Variants in CNTN1 observed in about 807,000 individuals in gnomAD.
CNTN1 encodes the protein contactin-1.
Under a neutral mutation model 126.4 loss-of-function variants are expected in CNTN1, and 38 were observed. The observed-to-expected ratio is 0.30, with a 90% CI of 0.23 to 0.39. CNTN1 has a LOEUF of 0.39. Among genes scored for constraint, CNTN1 ranks in the 10% least tolerant of loss-of-function variants. CNTN1 has a pLI of 1.00. For synonymous variants in CNTN1, 413 were observed against 422.6 expected, an observed-to-expected ratio of 0.98 and a Z score of 0.28; for missense variants, 1,009 against 1,248.4, an observed-to-expected ratio of 0.81 and a Z score of 2.89.
chr12:40,728,296 C>A (rs1055145217), intron 1 of CNTN1, among the ~76,000 whole-genome samples: 10 of 152,106 alleles, frequency 6.6e-5, no homozygotes, highest in African/African-American at 2.4e-4. Context: ...TGCTTTTTCT[C>A]CCTGCCTGTC....
intron 17 of CNTN1, among the ~76,000 whole-genome samples, chr12:41,010,781 C>T (rs564891924): frequency 1.1e-4 from 16 of 151,946 alleles, no homozygotes; most frequent in African/African-American, 3.6e-4. Context: ...TGCCCTTGCT[C>T]TTCATAGGCC....
At chr12:40,698,722 TTGAG>T (rs1351613621) in intron 1 of CNTN1, among the ~76,000 whole-genome samples, 3 of 152,324 alleles carry the variant, frequency 2.0e-5, no homozygotes, top group African/African-American at 4.8e-5. Flanking sequence ...TGAAAATTTT[TTGAG>T]TTAGTTCCCC....
At chr12:40,786,479 G>A (rs1940025105) in intron 1 of CNTN1, among the ~76,000 whole-genome samples, 1 of 152,156 alleles carries the variant, frequency 6.6e-6, no homozygotes, top group Non-Finnish European at 1.5e-5. Context: ...ATCTTTCCAA[G>A]GTGATCCCTT....
chr12:40,983,674 A>G (rs76515320), intron 16 of CNTN1, among the ~76,000 whole-genome samples: 5,000 of 150,172 alleles, frequency 0.033, 108 homozygotes, highest in Middle Eastern at 0.11. Flanking sequence ...AGTGAATATG[A>G]AAGTGTTTCT....
chr12:40,940,280 C>A (rs1403159712), intron 12 of CNTN1, among the ~76,000 whole-genome samples: 1 of 151,964 alleles, frequency 6.6e-6, no homozygotes, highest in Admixed American at 6.6e-5. Context: ...ATTGCAGAAA[C>A]TGAAATCAGT....
chr12:40,894,499 C>T (rs981398501), intron 1 of CNTN1, among the ~76,000 whole-genome samples: 3 of 152,142 alleles, frequency 2.0e-5, no homozygotes, highest in Admixed American at 1.3e-4. Flanking sequence ...TATATGGAAA[C>T]TCTCTGTACT....
At chr12:40,933,618 AATAAT>A in intron 8 of CNTN1, 58 bp downstream of exon 8, 1 of 1,537,332 alleles carries the variant, frequency 6.5e-7, no homozygotes. Context: ...TTAGGAAATA[AATAAT>A]TGTTTAGCTA....
intron 1 of CNTN1, chr12:40,763,301 T>TA (rs1400434694): frequency 3.3e-5 from 5 of 152,146 alleles, no homozygotes; most frequent in Non-Finnish European, 5.9e-5. Flanking sequence ...AGTAGGCAAA[T>TA]AAAATGAGCT....
intron 1 of CNTN1, among the ~76,000 whole-genome samples, chr12:40,850,412 C>T (rs150585466): frequency 2.4e-3 from 370 of 151,968 alleles, no homozygotes; most frequent in Non-Finnish European, 3.9e-3. Context: ...CCAAACAGTG[C>T]CCTGCAGGGC....
At chr12:40,794,757 A>G (rs1049315825) in intron 1 of CNTN1, among the ~76,000 whole-genome samples, 4 of 152,010 alleles carry the variant, frequency 2.6e-5, no homozygotes, top group Non-Finnish European at 5.9e-5. Flanking sequence ...ATTGGGAAGG[A>G]GTGATTGGGA....
At chr12:41,069,892 C>A in intron 23 of CNTN1, 67 bp from the exon 24 acceptor site, 1 of 1,302,188 alleles carries the variant, frequency 7.7e-7, no homozygotes, top group Non-Finnish European at 1.1e-6. Flanking sequence ...TTAGCTGAAG[C>A]AGACTAAATG....
At chr12:40,801,605 G>T in intron 1 of CNTN1, among the ~76,000 whole-genome samples, 1 of 151,792 alleles carries the variant, frequency 6.6e-6, no homozygotes, top group East Asian at 1.9e-4. Flanking sequence ...GACAAGGAGC[G>T]TAAGTTTCAT....
intron 23 of CNTN1, among the ~76,000 whole-genome samples, chr12:41,059,862 G>GA (rs989704213): frequency 6.6e-6 from 1 of 151,874 alleles, no homozygotes; most frequent in African/African-American, 2.4e-5. Context: ...CTATATCTAC[G>GA]AAAAATATAA....
chr12:40,905,036 G>A (rs1944759363), intron 1 of CNTN1, among the ~76,000 whole-genome samples: 1 of 152,232 alleles, frequency 6.6e-6, no homozygotes, highest in South Asian at 2.1e-4. Context: ...ATTAGGTTCA[G>A]AGGCTGAGTA....
rs1038946677 is a variant in CNTN1 at position 40,817,443 on chromosome 12, G to A, written c.-76-90914G>A. Among the ~76,000 whole-genome samples, 5 of 143,306 alleles carry A rather than the reference G, an allele frequency of 3.5e-5. No individual in the cohort carries two copies. The East Asian group carries it at 6.0e-4, about 17-fold the overall frequency. 94.0% of individuals were successfully genotyped at this position (143,306 alleles called of 152,430 possible). On this transcript the variant is annotated intron_variant, in intron 1 of 23. Transcript: ENST00000551295. ...TTTAGCTCTTTGTTGGTTTAAAGCC[G>A]GTTTTGTCAGAGACTAGGATTGCAA...
At chr12:40,962,526 G>A (rs973057435) in intron 15 of CNTN1, among the ~76,000 whole-genome samples, 2 of 152,048 alleles carry the variant, frequency 1.3e-5, no homozygotes, top group African/African-American at 2.4e-5. Flanking sequence ...TTTACTGAGA[G>A]AAAACACTCC....
At chr12:40,755,190 C>CAAAAAAAAAAAAAAAA (rs557970110) in intron 1 of CNTN1, among the ~76,000 whole-genome samples, 5 of 78,204 alleles carry the variant, frequency 6.4e-5, no homozygotes, top group Non-Finnish European at 9.1e-5. Context: ...GACCCCACCT[C>CAAAAAAAAAAAAAAAA]AAAAAAAAAA....
At chr12:40,984,002 ATATAT>A (rs150987883) in intron 16 of CNTN1, among the ~76,000 whole-genome samples, 17,151 of 147,738 alleles carry the variant, frequency 0.12, 1,034 homozygotes, top group Non-Finnish European at 0.12. Context: ...ATATTTAGTA[ATATAT>A]TATTAAATAT....
intron 1 of CNTN1, among the ~76,000 whole-genome samples, chr12:40,768,499 C>CGAGAA (rs1297426919): frequency 6.6e-6 from 1 of 152,194 alleles, no homozygotes; most frequent in African/African-American, 2.4e-5. Flanking sequence ...CTGTCTTTTT[C>CGAGAA]TCAACTAGGC....
Sources: gnomAD v4.1 joint callset for allele counts (sites outside exome capture counted in the v4.1 genomes callset) on GRCh38, gnomAD v4.1.1 for gene constraint, MANE v1.5 for transcripts, NCBI Gene and HGNC (gene_info 2026-07-23, HGNC 2026-07-21) for gene names.